CCDC171: variants seen among roughly 807,000 people sequenced by gnomAD.
The protein encoded by CCDC171 is coiled-coil domain containing 171.
Under a neutral mutation model 168.2 loss-of-function variants are expected in CCDC171, and 177 were observed. That is an observed-to-expected ratio of 1.05 (90% CI 0.93 to 1.19). The LOEUF (loss-of-function observed/expected upper bound fraction) is 1.19, where lower values mean the gene tolerates loss of function less well. Ranked by LOEUF, CCDC171 falls within the 50% of genes most tolerant of loss-of-function variation. The probability of loss-of-function intolerance (pLI) is 0.00; values close to 1 mark genes in which losing one functional copy is unlikely to be tolerated. For synonymous variants in CCDC171, 687 were observed against 540.8 expected, an observed-to-expected ratio of 1.27 and a Z score of -3.75; for missense variants, 1,991 against 1,539.0, an observed-to-expected ratio of 1.29 and a Z score of -4.91.
At chr9:15,930,579 C>T (rs571780758) in intron 25 of CCDC171, among the ~76,000 whole-genome samples, 1 of 151,654 alleles carries the variant, frequency 6.6e-6, no homozygotes, top group East Asian at 1.9e-4. Flanking sequence ...ATGGTATATA[C>T]TCAGTAAGTG....
At chr9:15,918,705 A>T (rs1338697821) in intron 24 of CCDC171, among the ~76,000 whole-genome samples, 1 of 151,594 alleles carries the variant, frequency 6.6e-6, no homozygotes, top group Non-Finnish European at 1.5e-5. Context: ...TTAATAAATT[A>T]ACATTTGTGT....
At chr9:15,807,534 C>A (rs2059135727) in intron 21 of CCDC171, among the ~76,000 whole-genome samples, 1 of 152,086 alleles carries the variant, frequency 6.6e-6, no homozygotes, top group South Asian at 2.1e-4. Context: ...GCGAATGACA[C>A]ATATAATAAA....
At chr9:15,984,114 G>A (rs1831902922) in intron 3 of CCDC171, among the ~76,000 whole-genome samples, 1 of 152,164 alleles carries the variant, frequency 6.6e-6, no homozygotes, top group South Asian at 2.1e-4. Flanking sequence ...AGCCCAGGTG[G>A]GCAACAAGAT....
intron 25 of CCDC171, among the ~76,000 whole-genome samples, chr9:15,938,559 A>G (rs1261347110): frequency 6.6e-6 from 1 of 151,864 alleles, no homozygotes; most frequent in Non-Finnish European, 1.5e-5. Context: ...AAGTTACTTT[A>G]TGCACAGAGA....
intron 21 of CCDC171, among the ~76,000 whole-genome samples, chr9:15,786,615 A>G (rs1368841283): frequency 6.6e-6 from 1 of 152,138 alleles, no homozygotes; most frequent in African/African-American, 2.4e-5. Flanking sequence ...AAGCTCAGCC[A>G]TTGAAACATC....
chr9:15,648,276 C>T (rs2047210681), intron 7 of CCDC171, among the ~76,000 whole-genome samples: 1 of 152,276 alleles, frequency 6.6e-6, no homozygotes, highest in African/African-American at 2.4e-5. Flanking sequence ...CTGTGACAAA[C>T]CCACAGCCAA....
intron 23 of CCDC171, among the ~76,000 whole-genome samples, chr9:15,851,834 G>T (rs956975992): frequency 6.6e-6 from 1 of 151,888 alleles, no homozygotes; most frequent in East Asian, 1.9e-4. Flanking sequence ...AATACAATAT[G>T]TGATTTTAGA....
intron 11 of CCDC171, among the ~76,000 whole-genome samples, chr9:15,720,923 G>T (rs973503977): frequency 2.6e-5 from 4 of 152,270 alleles, no homozygotes; most frequent in African/African-American, 9.6e-5. Flanking sequence ...CCACCTATGA[G>T]TGAGAACATG....
At chr9:16,033,287 A>C (rs1343735087) in intron 6 of CCDC171, among the ~76,000 whole-genome samples, 5 of 152,186 alleles carry the variant, frequency 3.3e-5, no homozygotes, top group Non-Finnish European at 7.4e-5. Context: ...CCGTTAGGAA[A>C]TGGGCTGCAC....
intron 3 of CCDC171, among the ~76,000 whole-genome samples, chr9:15,986,810 T>C (rs1056053752): frequency 6.6e-6 from 1 of 152,176 alleles, no homozygotes; most frequent in African/African-American, 2.4e-5. Context: ...CTATAAGGAT[T>C]CTAAGAGACT....
At chr9:16,017,231 C>T (rs536714860) in intron 3 of CCDC171, among the ~76,000 whole-genome samples, 50 of 151,826 alleles carry the variant, frequency 3.3e-4, no homozygotes, top group African/African-American at 1.0e-3. Flanking sequence ...TACTATTTTC[C>T]CATTTTTATT....
chr9:15,774,819 T>C (rs2057221823), intron 18 of CCDC171, among the ~76,000 whole-genome samples: 2 of 152,216 alleles, frequency 1.3e-5, no homozygotes. Flanking sequence ...CTGGATTGAA[T>C]TGGAGACCAT....
intron 1 of CCDC171, among the ~76,000 whole-genome samples, chr9:16,052,664 C>A (rs904263612): frequency 6.6e-6 from 1 of 152,142 alleles, no homozygotes; most frequent in Non-Finnish European, 1.5e-5. Context: ...GGGCCCGGGG[C>A]CTTTTGTAGA....
chr9:15,718,468 C>T (rs1006550713), intron 11 of CCDC171, among the ~76,000 whole-genome samples: 3 of 152,202 alleles, frequency 2.0e-5, no homozygotes, highest in Non-Finnish European at 2.9e-5. Flanking sequence ...AGCCCTAGGG[C>T]CTTGAGCAAA....
At chr9:15,701,800 C>T (rs113816126) in intron 11 of CCDC171, among the ~76,000 whole-genome samples, 4 of 152,224 alleles carry the variant, frequency 2.6e-5, no homozygotes, top group East Asian at 1.9e-4. Flanking sequence ...AAGTCATCCA[C>T]GAGGATTGGA....
At chr9:15,838,313 A>G (rs1417088765) in intron 21 of CCDC171, among the ~76,000 whole-genome samples, 1 of 152,344 alleles carries the variant, frequency 6.6e-6, no homozygotes, top group Admixed American at 6.5e-5. Flanking sequence ...GTGAAATCAT[A>G]TTAAACCTTG....
chr9:15,826,539 C>T (rs1328295892), intron 21 of CCDC171, among the ~76,000 whole-genome samples: 3 of 152,106 alleles, frequency 2.0e-5, no homozygotes, highest in African/African-American at 4.8e-5. Flanking sequence ...GCCTGATTTT[C>T]TTTCTCTCTC....
rs77229585 is a variant in CCDC171, at chr9:15,779,252, A to G, written c.3081+102A>G. On this transcript the variant is annotated intron_variant, in intron 20 of 25. Transcript: ENST00000380701. Reference sequence around the variant, plus strand: ...TTTTGTTATGTGTGGTTTTTCAAATAATTCAAAAGCCTATTAATAACATCT... The same window carrying G: ...TTTTGTTATGTGTGGTTTTTCAAATGATTCAAAAGCCTATTAATAACATCT... 123 of 636,576 alleles carry G rather than the reference A, an allele frequency of 1.9e-4. No homozygotes were observed. In the African/African-American group the frequency reaches 2.2e-3, roughly 11 times the overall value. The allele number at this position is 636,576 out of a possible 1,614,324, so 39.4% of individuals were successfully genotyped here. A position where few individuals can be genotyped will look rare whatever the true frequency, so the allele number is the denominator to read the frequency against.
At chr9:16,078,095 C>T in the CCDC171 span, among the ~76,000 whole-genome samples, 2 of 134,236 alleles carry the variant, frequency 1.5e-5, no homozygotes, top group African/African-American at 3.1e-5. Context: ...CACACACACA[C>T]ACACTCACAA....
Sources: allele counts gnomAD v4.1 joint callset (sites outside exome capture counted in the v4.1 genomes callset), GRCh38; gene constraint gnomAD v4.1.1; transcripts MANE v1.5; gene names NCBI Gene and HGNC (gene_info 2026-07-23, HGNC 2026-07-21).